The following LRFN5 variants were observed in gnomAD, a reference collection of about 807,000 sequenced individuals.
The protein encoded by LRFN5 is leucine rich repeat and fibronectin type III domain containing 5, also known as leucine-rich repeat and fibronectin type-III domain-containing protein 5.
A neutral mutation model predicts 45.6 loss-of-function variants in LRFN5; 24 were observed. The observed-to-expected ratio is 0.53, with a 90% CI of 0.38 to 0.74. The LOEUF (loss-of-function observed/expected upper bound fraction) is 0.74, where lower values mean the gene tolerates loss of function less well. Ranked by LOEUF, LRFN5 falls within the 30% of genes least tolerant of loss-of-function variation. The pLI is 0.00. For synonymous variants in LRFN5, 340 were observed against 313.8 expected (o/e 1.08, Z -0.88); for missense variants, 776 against 861.5 (o/e 0.90, Z 1.24).
intron 2 of LRFN5, among the ~76,000 whole-genome samples, chr14:41,882,075 C>T (rs1890398305): frequency 6.6e-6 from 1 of 152,138 alleles, no homozygotes; most frequent in Admixed American, 6.5e-5. Flanking sequence ...GACCTGAGAT[C>T]TGTGCCCTGT....
intron 1 of LRFN5, among the ~76,000 whole-genome samples, chr14:41,627,563 C>T (rs937195879): frequency 1.3e-5 from 2 of 152,100 alleles, no homozygotes; most frequent in African/African-American, 2.4e-5. Context: ...TTCTCATTGA[C>T]GTCATGAAAT....
chr14:41,654,360 CA>C lies in LRFN5; in HGVS notation c.-197+45800del, dbSNP rs1300262290. 3.3e-5 allele frequency among the ~76,000 whole-genome samples: 5 copies of C among 152,014 alleles called. 1 individual carries two copies. Among genetic ancestry groups the C allele is most frequent in the African/African-American group, 1.2e-4 (5 of 41,492 alleles). ...TTTGTTCTCAGAGAAGAGTTCCAGG[CA>C]AGAAGTCTGAGTTTGAGAGTTTTTA... is the stretch of plus-strand genomic sequence containing the variant. On this transcript the variant is annotated intron_variant, in intron 1 of 5. Coordinates refer to ENST00000298119, the MANE Select transcript of LRFN5 (RefSeq NM_152447.5).
intron 1 of LRFN5, among the ~76,000 whole-genome samples, chr14:41,748,457 G>A (rs745894823): frequency 2.6e-4 from 39 of 152,206 alleles, no homozygotes; most frequent in Non-Finnish European, 3.8e-4. Flanking sequence ...GGAACTTAGA[G>A]TAGTCCCAAA....
chr14:41,819,487 C>CA (rs879393207), intron 2 of LRFN5, among the ~76,000 whole-genome samples: 3 of 152,062 alleles, frequency 2.0e-5, no homozygotes, highest in African/African-American at 4.8e-5. Context: ...TTCATTCTTG[C>CA]ATTGCTATAA....
chr14:41,625,399 G>A (rs183637588), intron 1 of LRFN5, among the ~76,000 whole-genome samples: 22 of 152,162 alleles, frequency 1.4e-4, no homozygotes, highest in Admixed American at 4.6e-4. Flanking sequence ...TTCTCCTGTC[G>A]CCCTGTGAAG....
intron 2 of LRFN5, among the ~76,000 whole-genome samples, chr14:41,851,245 A>G (rs1055845370): frequency 6.0e-5 from 9 of 151,108 alleles, no homozygotes; most frequent in Middle Eastern, 3.4e-3. Context: ...ACATAAAACA[A>G]TGAAACTAGA....
intron 1 of LRFN5, among the ~76,000 whole-genome samples, chr14:41,756,115 G>T (rs931613776): frequency 2.0e-5 from 3 of 152,174 alleles, no homozygotes; most frequent in African/African-American, 4.8e-5. Context: ...CTGGCTTGTA[G>T]AGTATCTGCC....
chr14:41,803,946 C>T (rs955827105), intron 2 of LRFN5, among the ~76,000 whole-genome samples: 1 of 152,170 alleles, frequency 6.6e-6, no homozygotes, highest in African/African-American at 2.4e-5. Context: ...TCACTGCAAC[C>T]TCTGCCTCCC....
chr14:41,882,570 AAGTGATCTC>A (rs1228123778), intron 2 of LRFN5, among the ~76,000 whole-genome samples: 1 of 152,030 alleles, frequency 6.6e-6, no homozygotes, highest in African/African-American at 2.4e-5. Context: ...TATCTGAGAG[AAGTGATCTC>A]TACCCTCTTT....
At chr14:41,852,171 T>C (rs1198888850) in intron 2 of LRFN5, among the ~76,000 whole-genome samples, 1 of 151,808 alleles carries the variant, frequency 6.6e-6, no homozygotes, top group Admixed American at 6.6e-5. Flanking sequence ...AAGAAAAAAG[T>C]TGTTAATGCA....
At chr14:41,835,870 G>T (rs2139042611) in intron 2 of LRFN5, among the ~76,000 whole-genome samples, 1 of 151,230 alleles carries the variant, frequency 6.6e-6, no homozygotes, top group East Asian at 1.9e-4. Context: ...TAAACAAAGA[G>T]CATGCAAACC....
chr14:41,658,223 G>C (rs1880468796), intron 1 of LRFN5, among the ~76,000 whole-genome samples: 1 of 151,946 alleles, frequency 6.6e-6, no homozygotes, highest in Admixed American at 6.6e-5. Flanking sequence ...CATTTGTCAG[G>C]AAAGACTGAC....
intron 4 of LRFN5, chr14:41,894,084 A>G (rs10142615): frequency 1.0e-6 from 1 of 983,832 alleles, no homozygotes; most frequent in Non-Finnish European, 1.2e-6. Flanking sequence ...TCTTAGATTT[A>G]TCAGCATAGT....
chr14:41,736,363 T>A (rs1171434826), intron 1 of LRFN5, among the ~76,000 whole-genome samples: 1 of 152,250 alleles, frequency 6.6e-6, no homozygotes, highest in Non-Finnish European at 1.5e-5. Context: ...CCAGTGATGA[T>A]GAGCTTTTTA....
intron 1 of LRFN5, among the ~76,000 whole-genome samples, chr14:41,717,197 C>T (rs1376061502): frequency 1.3e-5 from 2 of 152,110 alleles, no homozygotes; most frequent in East Asian, 1.9e-4. Context: ...AAGTTATGGA[C>T]GTCGTGGTTG....
chr14:41,650,252 C>CACAG (rs1424826547), intron 1 of LRFN5, among the ~76,000 whole-genome samples: 1 of 143,156 alleles, frequency 7.0e-6, no homozygotes, highest in African/African-American at 2.7e-5. Flanking sequence ...CACACACACA[C>CACAG]ACACACACAC....
chr14:41,838,496 A>G (rs1477539180), intron 2 of LRFN5, among the ~76,000 whole-genome samples: 1 of 152,176 alleles, frequency 6.6e-6, no homozygotes, highest in Non-Finnish European at 1.5e-5. Flanking sequence ...ATTTAGAGCT[A>G]TGAACAGATG....
At chr14:41,703,209 T>C (rs1849232414) in intron 1 of LRFN5, among the ~76,000 whole-genome samples, 1 of 152,186 alleles carries the variant, frequency 6.6e-6, no homozygotes, top group Non-Finnish European at 1.5e-5. Flanking sequence ...GTTAATTTCT[T>C]CCAGCCCTTT....
chr14:41,722,561 C>T (rs113771571), intron 1 of LRFN5, among the ~76,000 whole-genome samples: 25,114 of 129,652 alleles, frequency 0.19, 2,425 homozygotes, highest in Non-Finnish European at 0.24. Context: ...TAATAAAATA[C>T]GGTGTTTTTT....
Sources: allele counts gnomAD v4.1 joint callset (sites outside exome capture counted in the v4.1 genomes callset), GRCh38; gene constraint gnomAD v4.1.1; transcripts MANE v1.5; gene names NCBI Gene and HGNC (gene_info 2026-07-23, HGNC 2026-07-21).